CEP170: variants seen among roughly 807,000 people sequenced by gnomAD.
CEP170 encodes the protein centrosomal protein of 170 kDa.
A neutral mutation model predicts 151.9 loss-of-function variants in CEP170; 21 were observed. That is an observed-to-expected ratio of 0.14 (90% confidence interval 0.10 to 0.20). CEP170 has a LOEUF of 0.20. CEP170 is among the 10% of genes least tolerant of loss of function. CEP170 has a pLI of 1.00. For synonymous variants in CEP170, 356 were observed against 648.8 expected, an observed-to-expected ratio of 0.55 and a Z score of 6.86; for missense variants, 964 against 1,892.9, an observed-to-expected ratio of 0.51 and a Z score of 9.11.
At chr1:243,161,836 TTTTC>T in intron 13 of CEP170, among the ~76,000 whole-genome samples, 1 of 152,318 alleles carries the variant, frequency 6.6e-6, no homozygotes, top group Non-Finnish European at 1.5e-5. Flanking sequence ...AAAATTTTGC[TTTTC>T]TTTTTCCATT....
At chr1:243,244,334 C>T (rs1219738720) in intron 1 of CEP170, among the ~76,000 whole-genome samples, 1 of 135,298 alleles carries the variant, frequency 7.4e-6, no homozygotes, top group Non-Finnish European at 1.6e-5. Flanking sequence ...AACCCCCCTG[C>T]CCAAAATAGA....
intron 4 of CEP170, among the ~76,000 whole-genome samples, chr1:243,203,143 C>T (rs1439807785): frequency 1.3e-5 from 2 of 152,110 alleles, no homozygotes; most frequent in Non-Finnish European, 2.9e-5. Context: ...TGCTCTAGCC[C>T]CAGCTTTTCC....
chr1:243,151,208 T>C (rs1392416022), intron 14 of CEP170, among the ~76,000 whole-genome samples: 5 of 152,026 alleles, frequency 3.3e-5, no homozygotes, highest in Non-Finnish European at 5.9e-5. Flanking sequence ...TTAGGCATGT[T>C]GGTGTCAGTA....
chr1:243,178,874 T>A (rs2059431432), intron 10 of CEP170, among the ~76,000 whole-genome samples: 2 of 152,016 alleles, frequency 1.3e-5, no homozygotes, highest in South Asian at 4.1e-4. Context: ...TCATGCCCCA[T>A]GCCCTGCTGT....
chr1:243,176,789 G>A (rs1332219112), intron 10 of CEP170: 5 of 394,332 alleles, frequency 1.3e-5, no homozygotes, highest in Non-Finnish European at 2.5e-5. Context: ...GTCTGATAAA[G>A]GAGCTTATAA....
intron 3 of CEP170, among the ~76,000 whole-genome samples, chr1:243,214,978 G>A (rs1283104208): frequency 6.6e-6 from 1 of 152,154 alleles, no homozygotes; most frequent in East Asian, 1.9e-4. Context: ...ACCAGCTGAA[G>A]CCATGGCAGA....
chr1:243,175,484 G>A (rs1272963321), intron 10 of CEP170, among the ~76,000 whole-genome samples: 2 of 152,160 alleles, frequency 1.3e-5, no homozygotes, highest in Non-Finnish European at 2.9e-5. Flanking sequence ...CTGCCTCTAA[G>A]TAGAAACACA....
At chr1:243,232,003 G>T (rs2149067952) in intron 1 of CEP170, among the ~76,000 whole-genome samples, 1 of 151,074 alleles carries the variant, frequency 6.6e-6, no homozygotes, top group Middle Eastern at 3.4e-3. Flanking sequence ...GCTCTCTATT[G>T]CTCAGGCAGG....
At chr1:243,253,936 C>G (rs1369246524) in intron 1 of CEP170, among the ~76,000 whole-genome samples, 1 of 152,174 alleles carries the variant, frequency 6.6e-6, no homozygotes, top group Non-Finnish European at 1.5e-5. Context: ...CAGAAATGTA[C>G]TGGGCCAGTT....
intron 16 of CEP170, among the ~76,000 whole-genome samples, chr1:243,138,779 AAT>A (rs889142342): frequency 6.6e-6 from 1 of 152,032 alleles, no homozygotes; most frequent in African/African-American, 2.4e-5. Flanking sequence ...TGTTACTATA[AAT>A]GTAACTTCTA....
chr1:243,248,495 T>C (rs981616393), intron 1 of CEP170, among the ~76,000 whole-genome samples: 7 of 152,156 alleles, frequency 4.6e-5, no homozygotes, highest in Non-Finnish European at 5.9e-5. Context: ...AGTCCAAACC[T>C]CTCCTCTGAA....
chr1:243,173,573 T>C (rs373524971), intron 10 of CEP170, among the ~76,000 whole-genome samples: 1 of 151,456 alleles, frequency 6.6e-6, no homozygotes, highest in African/African-American at 2.4e-5. Context: ...CCGTTTCTAC[T>C]AAAAATACAA....
At chr1:243,182,054 G>T (rs2059650141) in intron 10 of CEP170, among the ~76,000 whole-genome samples, 1 of 152,012 alleles carries the variant, frequency 6.6e-6, no homozygotes, top group Non-Finnish European at 1.5e-5. Flanking sequence ...GAGGTGTTTG[G>T]GTCAAAAAGG....
chr1:243,209,679 C>T (rs1422986609), intron 4 of CEP170, among the ~76,000 whole-genome samples: 2 of 151,152 alleles, frequency 1.3e-5, no homozygotes, highest in East Asian at 3.9e-4. Context: ...GCCACTATAA[C>T]AGATGGTTTT....
chr1:243,158,567 T>A (rs2057770955), intron 13 of CEP170, among the ~76,000 whole-genome samples: 1 of 152,180 alleles, frequency 6.6e-6, no homozygotes, highest in African/African-American at 2.4e-5. Context: ...GCTATTAATA[T>A]ACGTTAAATG....
chr1:243,172,210 TA>T (rs2058897602), intron 11 of CEP170, among the ~76,000 whole-genome samples: 1 of 152,202 alleles, frequency 6.6e-6, no homozygotes, highest in African/African-American at 2.4e-5. Flanking sequence ...TAACACCTAA[TA>T]AAAATTAAAG....
At chr1:243,150,622 G>A (rs1028779253) in intron 14 of CEP170, among the ~76,000 whole-genome samples, 1 of 152,044 alleles carries the variant, frequency 6.6e-6, no homozygotes, top group African/African-American at 2.4e-5. Flanking sequence ...TTTATAAACT[G>A]TAGAATGTAA....
chr1:243,187,218 C>T (rs1277540580), intron 8 of CEP170, among the ~76,000 whole-genome samples: 3 of 152,066 alleles, frequency 2.0e-5, no homozygotes, highest in Non-Finnish European at 4.4e-5. Flanking sequence ...TAGAATATAT[C>T]GGAATTTTGA....
At position 243,199,148 on chromosome 1, in the gene CEP170, T is replaced by C. The variant is rs747889419; in HGVS notation, c.543A>G (p.Ser181=). 1.9e-6 allele frequency: 3 copies of C among 1,612,052 alleles called. No individual in the cohort carries two copies. Among genetic ancestry groups the C allele is most frequent in the Non-Finnish European group, 2.5e-6 (3 of 1,178,778 alleles). ...CATCCACCTCATCATCCCCCCACCA[T>C]GACGGCTGCCCATATAATGGAGTAC... ...PRGTPLYGQP[S]WWGDDEVDEK... is the part of the protein sequence containing the mutation. The change falls in exon 7 of 20, where the codon TCA becomes TCG. Residue 181 remains serine (S), a synonymous_variant. Coordinates refer to ENST00000366542, the MANE Select transcript of CEP170 (RefSeq NM_014812.3).
Sources: allele counts gnomAD v4.1 joint callset (sites outside exome capture counted in the v4.1 genomes callset), GRCh38; gene constraint gnomAD v4.1.1; transcripts MANE v1.5; gene names NCBI Gene and HGNC (gene_info 2026-07-23, HGNC 2026-07-21).